MIP: variants seen among roughly 807,000 people sequenced by gnomAD.
MIP encodes the protein major intrinsic protein of lens fiber.
MIP carries 14 observed loss-of-function variants against 21.8 expected under a neutral mutation model. The observed-to-expected ratio is 0.64, with a 90% CI of 0.42 to 1.00. The LOEUF is 1.00. Ranked by LOEUF, MIP falls within the 50% of genes least tolerant of loss-of-function variation. The pLI is 0.00. For missense variants in MIP, 260 were observed against 333.5 expected, an observed-to-expected ratio of 0.78 and a Z score of 1.72; for synonymous variants, 133 against 141.4, an observed-to-expected ratio of 0.94 and a Z score of 0.42.
chr12:56,455,410 C>T (rs919152346), upstream of MIP, among the ~76,000 whole-genome samples: 1 of 152,010 alleles, frequency 6.6e-6, no homozygotes, highest in African/African-American at 2.4e-5. Context: ...GAAAGGGACT[C>T]GTAGTTAAAC....
chr12:56,455,710 G>A (rs3809124), upstream of MIP, among the ~76,000 whole-genome samples: 36 of 152,278 alleles, frequency 2.4e-4, 2 homozygotes, highest in East Asian at 6.4e-3. Flanking sequence ...TGGGACCTAG[G>A]CGTGGGGTTG....
At chr12:56,456,423 G>A (rs2136168104), upstream of MIP, among the ~76,000 whole-genome samples, 1 of 152,206 alleles carries the variant, frequency 6.6e-6, no homozygotes, top group Non-Finnish European at 1.5e-5. Flanking sequence ...GATCACCTGA[G>A]GTCAGGAGTT....
chr12:56,453,217 C>G (rs1413216011), intron 2 of MIP, 65 bp from the exon 3 acceptor site: 4 of 1,164,840 alleles, frequency 3.4e-6, no homozygotes, highest in Non-Finnish European at 5.2e-6. Flanking sequence ...TCCCCACAAC[C>G]CACATTGCCC....
At chr12:56,452,905 C>A in intron 3 of MIP, 167 bp downstream of exon 3, 2 of 678,158 alleles carry the variant, frequency 2.9e-6, no homozygotes, top group South Asian at 1.6e-5. Context: ...CTAGCAAAAT[C>A]ATGAATCCTG....
In MIP at chr12:56,450,505, C is replaced by T. The variant is rs1230329903; in HGVS notation, c.*775G>A. 1 of 152,024 alleles carries T rather than the reference C, an allele frequency of 6.6e-6. No homozygotes were observed. Among genetic ancestry groups the T allele is most frequent in the Non-Finnish European group, 1.5e-5 (1 of 68,062 alleles). 9.4% of individuals were successfully genotyped at this position (152,024 alleles called of 1,614,324 possible). A position where few individuals can be genotyped will look rare whatever the true frequency, so the allele number is the denominator to read the frequency against. The stretch of plus-strand genomic sequence containing the variant: ...CTATTTAGGTTGGAAGCTCTTTGGC[C>T]CAGGACCTCTGAAGAGATCCATTAT... On this transcript the variant is annotated 3_prime_UTR_variant, in exon 4 of 4. Coordinates refer to ENST00000652304, the MANE Select transcript of MIP (RefSeq NM_012064.4).
chr12:56,452,179 C>T (rs1459045748), intron 3 of MIP, among the ~76,000 whole-genome samples: 1 of 152,150 alleles, frequency 6.6e-6, no homozygotes, highest in South Asian at 2.1e-4. Flanking sequence ...TAAACAACTG[C>T]CTATTCCACC....
upstream of MIP, among the ~76,000 whole-genome samples, chr12:56,455,214 C>A (rs1307509930): frequency 6.6e-6 from 1 of 152,102 alleles, no homozygotes; most frequent in Non-Finnish European, 1.5e-5. Context: ...GTGGACCCTG[C>A]AGCTCTGGGA....
In MIP at chr12:56,451,160, T is replaced by G; in HGVS notation, c.*120A>C. ...AAAAAAAAAAAAACAACCACATACA[T>G]AAGTTAAAAAATAAAGAAGTACATG... On this transcript the variant is annotated 3_prime_UTR_variant, in exon 4 of 4. Coordinates refer to ENST00000652304, the MANE Select transcript of MIP (RefSeq NM_012064.4). The G allele has an allele frequency of 2.6e-6, 2 of 768,000 alleles. No individual in the cohort carries two copies. The highest frequency in any genetic ancestry group is 4.3e-6 in the Non-Finnish European group (2 of 469,314). The allele number at this position is 768,000 out of a possible 1,614,324, so 47.6% of individuals were successfully genotyped here.
At position 56,453,749 on chromosome 12, in the gene MIP, G is replaced by A. The variant is rs1212357659; in HGVS notation, c.367C>T (p.Pro123Ser). 1.2e-6 allele frequency: 2 copies of A among 1,613,438 alleles called. No individual in the cohort carries two copies. The highest frequency in any genetic ancestry group is 8.5e-7 in the Non-Finnish European group (1 of 1,179,776). ...GTTGCCTGGCCCACGCTCACCGCAG[G>A]GTGCAACTGTGCAAAGGAAGAAGAA... ...RGNLALNTLH[P>S]AVSVGQATTV... Residue 123 changes from proline (P) to serine (S), a missense_variant, in exon 2 of 4, where the codon CCT becomes TCT. Physicochemically the swap from Pro to Ser is moderately conservative, Grantham distance 74 (BLOSUM62 -1). Transcript: ENST00000652304.
chr12:56,452,978 C>T lies in MIP; in HGVS notation c.606+94G>A, dbSNP rs763796894. The T allele has an allele frequency of 1.8e-4, 154 of 872,430 alleles. No homozygotes were observed. In the Middle Eastern group the frequency reaches 1.9e-3, roughly 11 times the overall value. The allele number at this position is 872,430 out of a possible 1,614,324, so 54.0% of individuals were successfully genotyped here. ...AGCTGAGTGCTGGTACAGCAGCCAA[C>T]ACACGCAGAAGGAAAGCAGGAATCC... is the stretch of plus-strand genomic sequence containing the variant. On this transcript the variant is annotated intron_variant, in intron 3 of 3. Transcript: ENST00000652304.
At position 56,454,622 on chromosome 12, in the gene MIP, G is replaced by C. The variant is rs1475336488; in HGVS notation, c.-9C>G. 1 of 1,613,516 alleles carries C rather than the reference G, an allele frequency of 6.2e-7. No homozygotes were observed. The highest frequency in any genetic ancestry group is 8.5e-7 in the Non-Finnish European group (1 of 1,179,958). The stretch of plus-strand genomic sequence containing the variant: ...GATCGCAGTTCCCACATGGCAGGGG[G>C]GATGGTCACAGTGCCTGGGTCCCTG... On this transcript the variant is annotated 5_prime_UTR_variant, in exon 1 of 4. Transcript: ENST00000652304.
chr12:56,453,306 T>G (rs756489473), intron 2 of MIP, among the ~76,000 whole-genome samples, 154 bp from the exon 3 acceptor site: 1 of 152,002 alleles, frequency 6.6e-6, no homozygotes, highest in Non-Finnish European at 1.5e-5. Flanking sequence ...GTTCCTGCAA[T>G]GGGGTGAGGG....
At chr12:56,456,449 C>T (rs1283066536), upstream of MIP, among the ~76,000 whole-genome samples, 1 of 151,938 alleles carries the variant, frequency 6.6e-6, no homozygotes, top group Non-Finnish European at 1.5e-5. Context: ...CCAGCCTGAC[C>T]AACATAATGA....
Position 56,454,438 on chromosome 12 carries a change from A to C in MIP, c.176T>G (p.Val59Gly). 1 of 1,614,186 alleles carries C rather than the reference A, an allele frequency of 6.2e-7. No homozygotes were observed. Among genetic ancestry groups the C allele is most frequent in the Non-Finnish European group, 8.5e-7 (1 of 1,180,022 alleles). ...GLALATLVQS[V>G]GHISGAHVNP... ...GACGTGGGCTCCACTGATGTGGCCC[A>C]CAGACTGCACCAGTGTAGCCAGGGC... Residue 59 changes from valine (V) to glycine (G), a missense_variant, in exon 1 of 4, where the codon GTG becomes GGG. By Grantham distance (109) the Val-to-Gly change is moderately radical. Coordinates refer to ENST00000652304, the MANE Select transcript of MIP (RefSeq NM_012064.4).
At position 56,453,758 on chromosome 12, in the gene MIP, G is replaced by A; in HGVS notation, c.361-3C>T. 1 of 1,612,840 alleles carries A rather than the reference G, an allele frequency of 6.2e-7. No homozygotes were observed. ...CCCACGCTCACCGCAGGGTGCAACT[G>A]TGCAAAGGAAGAAGAAGAGAGACAG... On this transcript the variant is annotated splice_polypyrimidine_tract_variant and splice_region_variant and intron_variant, in intron 1 of 3. Transcript: ENST00000652304.
In MIP at chr12:56,454,580, C is replaced by A. The variant is rs757336397; in HGVS notation, c.34G>T (p.Ala12Ser). The A allele has an allele frequency of 8.7e-6, 14 of 1,613,976 alleles. No homozygotes were observed. The highest frequency in any genetic ancestry group is 1.1e-5 in the Non-Finnish European group (13 of 1,179,992). The change falls in exon 1 of 4, where the codon GCC (alanine) becomes TCC (serine). Residue 12 changes from alanine to serine, a missense_variant. Physicochemically the swap from Ala to Ser is moderately conservative, Grantham distance 99. Coordinates refer to ENST00000652304, the MANE Select transcript of MIP (RefSeq NM_012064.4). Reference protein sequence around the residue: ...WELRSASFWRAIFAEFFATLF... With the variant: ...WELRSASFWRSIFAEFFATLF... ...GTGGCAAAGAACTCAGCGAATATGG[C>A]CCTCCAAAAGGAGGCTGATCGCAGT...
chr12:56,452,068 G>C (rs1050011701), intron 3 of MIP, among the ~76,000 whole-genome samples: 1 of 152,098 alleles, frequency 6.6e-6, no homozygotes. Context: ...ATATATATAT[G>C]TTTTTAAGTG....
intron 3 of MIP, 124 bp from the exon 4 acceptor site, chr12:56,451,589 A>G (rs549301032): frequency 1.3e-6 from 1 of 752,140 alleles, no homozygotes; most frequent in Admixed American, 2.5e-5. Flanking sequence ...TAAACTCACC[A>G]TTTATTTTCT....
chr12:56,454,938 T>C (rs1251659738), upstream of MIP, among the ~76,000 whole-genome samples: 2 of 152,084 alleles, frequency 1.3e-5, no homozygotes, highest in Non-Finnish European at 2.9e-5. Context: ...TCTGTGTGTG[T>C]CAAAATTGGG....
Sources: allele counts gnomAD v4.1 joint callset (sites outside exome capture counted in the v4.1 genomes callset), GRCh38; gene constraint gnomAD v4.1.1; transcripts MANE v1.5; gene names NCBI Gene and HGNC (gene_info 2026-07-23, HGNC 2026-07-21).